The following HTR2C variants were observed in gnomAD, a reference collection of about 807,000 sequenced individuals.
HTR2C encodes 5-hydroxytryptamine receptor 2C.
Under a neutral mutation model 21.0 loss-of-function variants are expected in HTR2C, and 5 were observed. The observed-to-expected ratio is 0.24, with a 90% confidence interval of 0.12 to 0.50. HTR2C has a LOEUF of 0.50. Among genes scored for constraint, HTR2C ranks in the 20% least tolerant of loss-of-function variants. HTR2C has a pLI of 0.98. For synonymous variants in HTR2C, 150 were observed against 145.3 expected, an observed-to-expected ratio of 1.03 and a Z score of -0.23; for missense variants, 271 against 371.2, an observed-to-expected ratio of 0.73 and a Z score of 2.22.
At chrX:114,584,961 CGAG>C (rs1202226050) in intron 1 of HTR2C, among the ~76,000 whole-genome samples, 1 of 83,207 alleles carries the variant, frequency 1.2e-5, no homozygotes, top group Non-Finnish European at 2.2e-5. Context: ...CGGGGGAAGC[CGAG>C]ACAGAAACGG....
At chrX:114,736,314 C>T (rs782702121) in intron 4 of HTR2C, among the ~76,000 whole-genome samples, 2 of 99,990 alleles carry the variant, frequency 2.0e-5, no homozygotes, top group Non-Finnish European at 4.0e-5. Context: ...GTAACCCTTA[C>T]AACCCAGGGA....
chrX:114,797,908 G>A (rs1365746430), intron 4 of HTR2C, among the ~76,000 whole-genome samples: 1 of 111,987 alleles, frequency 8.9e-6, no homozygotes, highest in African/African-American at 3.2e-5. Context: ...TAATTTTGTA[G>A]TTATTACCTA....
intron 5 of HTR2C, among the ~76,000 whole-genome samples, chrX:114,888,919 A>G (rs782236789): frequency 8.9e-6 from 1 of 111,753 alleles, no homozygotes; most frequent in Non-Finnish European, 1.9e-5. Context: ...CGTATTTTAA[A>G]TCACTTATTT....
intron 2 of HTR2C, among the ~76,000 whole-genome samples, chrX:114,662,619 A>G (rs1367283679): frequency 8.9e-6 from 1 of 111,933 alleles, no homozygotes; most frequent in African/African-American, 3.2e-5. Context: ...TTTTTTCTAA[A>G]TGACTGTGCA....
chrX:114,670,623 T>C (rs782214990), intron 2 of HTR2C, among the ~76,000 whole-genome samples: 4 of 112,457 alleles, frequency 3.6e-5, no homozygotes, highest in Admixed American at 1.9e-4. Context: ...AGCAACACAC[T>C]TTTTATGGTT....
chrX:114,868,834 C>T lies in HTR2C; in HGVS notation c.550+20631C>T, dbSNP rs1260367275. ...TGGATTGTCATTCAGCAGATGTTAT[C>T]ACTTTTTGTATTTTTTTTTTATTAT... On this transcript the variant is annotated intron_variant, in intron 5 of 5. Coordinates refer to ENST00000276198, the MANE Select transcript of HTR2C (RefSeq NM_000868.4). 3.6e-5 allele frequency among the ~76,000 whole-genome samples: 4 copies of T among 110,177 alleles called. No individual in the cohort carries two copies. The East Asian group carries it at 1.1e-3, about 31-fold the overall frequency.
intron 5 of HTR2C, among the ~76,000 whole-genome samples, chrX:114,895,120 A>T (rs1343574213): frequency 3.6e-5 from 4 of 112,071 alleles, no homozygotes; most frequent in African/African-American, 1.3e-4. Flanking sequence ...CACACTGAGG[A>T]CATAAAATGT....
At chrX:114,887,715 T>G (rs2071230084) in intron 5 of HTR2C, among the ~76,000 whole-genome samples, 1 of 111,135 alleles carries the variant, frequency 9.0e-6, no homozygotes, top group South Asian at 3.8e-4. Flanking sequence ...CACCCTCCAT[T>G]GTTTCTGATT....
chrX:114,829,061 T>C (rs1442292344), intron 4 of HTR2C, among the ~76,000 whole-genome samples: 1 of 111,913 alleles, frequency 8.9e-6, no homozygotes, highest in Non-Finnish European at 1.9e-5. Context: ...TGCTTGAGTA[T>C]CTATAAATAG....
chrX:114,584,459 G>A lies in HTR2C; in HGVS notation c.-347G>A, dbSNP rs1927299494. The A allele has an allele frequency of 8.8e-6, 1 of 113,164 alleles. No individual in the cohort carries two copies. The highest frequency in any genetic ancestry group is 1.9e-5 in the Non-Finnish European group (1 of 53,327). 9.3% of individuals were successfully genotyped at this position (113,164 alleles called of 1,213,427 possible). On this transcript the variant is annotated 5_prime_UTR_variant, in exon 1 of 6. Coordinates refer to ENST00000276198, the MANE Select transcript of HTR2C (RefSeq NM_000868.4). ...GGGGGCGCACGGTCACCCAAAGGAG[G>A]TCGACTCGCCGGCGCTTCCTATCGC...
chrX:114,741,871 T>G (rs1008583212), intron 4 of HTR2C, among the ~76,000 whole-genome samples: 2 of 110,406 alleles, frequency 1.8e-5, no homozygotes, highest in Admixed American at 1.9e-4. Context: ...TATATGGGAA[T>G]GAGGTTCCCT....
chrX:114,654,173 C>G (rs935304745), intron 2 of HTR2C, among the ~76,000 whole-genome samples: 17 of 109,506 alleles, frequency 1.6e-4, no homozygotes, highest in African/African-American at 5.6e-4. Flanking sequence ...ATACTGTTTT[C>G]TGCTCTTTGC....
intron 5 of HTR2C, among the ~76,000 whole-genome samples, chrX:114,885,719 C>T (rs2147522825): frequency 9.0e-6 from 1 of 110,707 alleles, no homozygotes; most frequent in Admixed American, 9.7e-5. Context: ...CAATTGAACA[C>T]CAATTATGTA....
intron 5 of HTR2C, among the ~76,000 whole-genome samples, chrX:114,898,177 A>C (rs2071311113): frequency 8.9e-6 from 1 of 112,575 alleles, no homozygotes; most frequent in South Asian, 3.6e-4. Flanking sequence ...GCTTGTTTTC[A>C]TGTATTTCTT....
chrX:114,788,173 C>T (rs1251183298), intron 4 of HTR2C, among the ~76,000 whole-genome samples: 2 of 110,931 alleles, frequency 1.8e-5, no homozygotes, highest in African/African-American at 3.3e-5. Context: ...CTTCTATCTC[C>T]GGACCAACTA....
intron 2 of HTR2C, among the ~76,000 whole-genome samples, chrX:114,638,725 T>A (rs1196586887): frequency 1.1e-5 from 1 of 87,204 alleles, no homozygotes; most frequent in African/African-American, 4.3e-5. Flanking sequence ...CCTTCCTGTG[T>A]CCATGTGTTC....
intron 4 of HTR2C, among the ~76,000 whole-genome samples, chrX:114,747,874 C>G (rs1423144573): frequency 2.7e-5 from 3 of 112,026 alleles, no homozygotes; most frequent in Non-Finnish European, 5.6e-5. Flanking sequence ...TCCAGATGAG[C>G]CTTAAGGTGG....
At chrX:114,786,540 A>G (rs2070175771) in intron 4 of HTR2C, among the ~76,000 whole-genome samples, 1 of 111,967 alleles carries the variant, frequency 8.9e-6, no homozygotes, top group Non-Finnish European at 1.9e-5. Flanking sequence ...CCAAATCACA[A>G]TAATTAAGTG....
intron 4 of HTR2C, among the ~76,000 whole-genome samples, chrX:114,788,949 G>A (rs1284380649): frequency 9.0e-6 from 1 of 111,393 alleles, no homozygotes; most frequent in Admixed American, 9.6e-5. Flanking sequence ...ATGCCCAGTG[G>A]GATATTTTTG....
Sources: allele counts gnomAD v4.1 joint callset (sites outside exome capture counted in the v4.1 genomes callset), GRCh38; gene constraint gnomAD v4.1.1; transcripts MANE v1.5; gene names NCBI Gene and HGNC (gene_info 2026-07-23, HGNC 2026-07-21).